Variants in CHCHD3 observed in about 807,000 individuals in gnomAD.
CHCHD3 encodes the protein coiled-coil-helix-coiled-coil-helix domain containing 3, also known as MICOS complex subunit MIC19.
CHCHD3 carries 20 observed loss-of-function variants against 38.2 expected under a neutral mutation model. The observed-to-expected ratio is 0.52, with a 90% CI of 0.37 to 0.76. CHCHD3 has a LOEUF of 0.76. CHCHD3 is among the 30% of genes least tolerant of loss of function. The pLI is 0.00. For missense variants in CHCHD3, 245 were observed against 279.2 expected, an observed-to-expected ratio of 0.88 and a Z score of 0.87; for synonymous variants, 82 against 100.0, an observed-to-expected ratio of 0.82 and a Z score of 1.07.
chr7:132,912,598 A>G (rs956196565), intron 4 of CHCHD3, among the ~76,000 whole-genome samples: 1 of 152,084 alleles, frequency 6.6e-6, no homozygotes, highest in African/African-American at 2.4e-5. Flanking sequence ...TCTGTTACCC[A>G]GGCTGGAGTG....
At chr7:132,967,670 A>T (rs1171665952) in intron 4 of CHCHD3, among the ~76,000 whole-genome samples, 1 of 149,578 alleles carries the variant, frequency 6.7e-6, no homozygotes, top group African/African-American at 2.5e-5. Flanking sequence ...AATAAATAAA[A>T]TAAAACAAAA....
At chr7:132,973,950 G>A in intron 4 of CHCHD3, 1 of 1,285,264 alleles carries the variant, frequency 7.8e-7, no homozygotes, top group Non-Finnish European at 1.0e-6. Context: ...AGTAACATCT[G>A]GGTTTCTAGG....
chr7:133,068,484 G>A (rs1185974317), intron 2 of CHCHD3, among the ~76,000 whole-genome samples: 1 of 152,190 alleles, frequency 6.6e-6, no homozygotes, highest in African/African-American at 2.4e-5. Flanking sequence ...GAAGCCCAGG[G>A]AAGCAGCTCA....
chr7:132,930,841 C>G (rs935088233), intron 4 of CHCHD3, among the ~76,000 whole-genome samples: 2 of 152,120 alleles, frequency 1.3e-5, no homozygotes, highest in African/African-American at 4.8e-5. Flanking sequence ...ATCCCTATGC[C>G]CCTTGCAGCT....
chr7:132,901,655 T>A (rs1388425265), intron 4 of CHCHD3, among the ~76,000 whole-genome samples: 6 of 152,208 alleles, frequency 3.9e-5, no homozygotes, highest in Non-Finnish European at 8.8e-5. Flanking sequence ...TACTTGTTGA[T>A]GGGGTTGATT....
In CHCHD3 at chr7:132,788,091, T is replaced by C. The variant is rs1806370956; in HGVS notation, c.661-2431A>G. ...TCACAGCATCTCAGCTATGCTCACC[T>C]GCTTATGAATTGATCTGTGTGAGCC... is the stretch of plus-strand genomic sequence containing the variant. On this transcript the variant is annotated intron_variant, in intron 7 of 7. Coordinates refer to ENST00000262570, the MANE Select transcript of CHCHD3 (RefSeq NM_017812.4). The surrounding 1 kb of genome is among the most constrained non-coding windows in gnomAD (Gnocchi z 4.0). Among the ~76,000 whole-genome samples the C allele has an allele frequency of 6.6e-6, 1 of 152,288 alleles. No individual in the cohort carries two copies. The highest frequency in any genetic ancestry group is 1.9e-4 in the East Asian group (1 of 5,184).
At chr7:132,899,656 T>C (rs1809615483) in intron 4 of CHCHD3, among the ~76,000 whole-genome samples, 1 of 152,186 alleles carries the variant, frequency 6.6e-6, no homozygotes, top group African/African-American at 2.4e-5. Context: ...TATGGAATAC[T>C]ATTTGATCCA....
At chr7:132,833,936 A>G (rs1030132071) in intron 6 of CHCHD3, among the ~76,000 whole-genome samples, 1 of 152,162 alleles carries the variant, frequency 6.6e-6, no homozygotes, top group Admixed American at 6.5e-5. Flanking sequence ...TGTAACCAAG[A>G]TGCACATAAA....
intron 4 of CHCHD3, among the ~76,000 whole-genome samples, chr7:132,905,343 C>G (rs534891937): frequency 3.3e-5 from 5 of 151,996 alleles, no homozygotes; most frequent in Non-Finnish European, 5.9e-5. Context: ...CAAACTAACA[C>G]AGAAACAGAA....
At chr7:133,076,814 A>G (rs1200948380) in intron 1 of CHCHD3, among the ~76,000 whole-genome samples, 1 of 152,222 alleles carries the variant, frequency 6.6e-6, no homozygotes, top group African/African-American at 2.4e-5. Flanking sequence ...TCTAAGAGGT[A>G]AAGTTATGAG....
chr7:132,887,273 T>C (rs574184643), intron 4 of CHCHD3, among the ~76,000 whole-genome samples: 1 of 151,966 alleles, frequency 6.6e-6, no homozygotes, highest in African/African-American at 2.4e-5. Flanking sequence ...TACATTCATA[T>C]ACAAGTATAT....
chr7:132,929,743 C>CTAT (rs1482717207), intron 4 of CHCHD3, among the ~76,000 whole-genome samples: 2 of 152,160 alleles, frequency 1.3e-5, no homozygotes, highest in African/African-American at 4.8e-5. Context: ...ATGACCAGGG[C>CTAT]TATGGTGGGC....
At chr7:133,080,103 C>T (rs187337534) in intron 1 of CHCHD3, among the ~76,000 whole-genome samples, 5 of 152,162 alleles carry the variant, frequency 3.3e-5, no homozygotes, top group East Asian at 1.9e-4. Context: ...TGGAGACCAG[C>T]GCAAGGGCAT....
intron 5 of CHCHD3, among the ~76,000 whole-genome samples, chr7:132,863,597 C>T (rs1369674628): frequency 1.3e-5 from 2 of 152,190 alleles, no homozygotes; most frequent in Non-Finnish European, 2.9e-5. Context: ...GGCTTTGAAG[C>T]CAGGCCCTGA....
chr7:132,976,302 G>A (rs1009427813), intron 3 of CHCHD3, among the ~76,000 whole-genome samples: 3 of 152,070 alleles, frequency 2.0e-5, no homozygotes, highest in Admixed American at 6.5e-5. Flanking sequence ...ACTAAGACAG[G>A]AGAATCTTAC....
intron 6 of CHCHD3, among the ~76,000 whole-genome samples, chr7:132,801,371 T>A (rs1585525780): frequency 6.6e-6 from 1 of 152,202 alleles, no homozygotes; most frequent in African/African-American, 2.4e-5. Context: ...TTAATGACAT[T>A]TCCATTTGAG....
In CHCHD3 at chr7:132,997,741, C is replaced by T. The variant is rs55793056; in HGVS notation, c.252-22455G>A. Among the ~76,000 whole-genome samples, 1,267 of 148,204 alleles carry T rather than the reference C, an allele frequency of 8.5e-3. 21 individuals are homozygous for T. The highest frequency in any genetic ancestry group is 0.03 in the African/African-American group (1,209 of 40,230). On this transcript the variant is annotated intron_variant, in intron 3 of 7. Transcript: ENST00000262570. ...AATCCAGAACAAATTTTGTCAGAGA[C>T]CAATGCTTGAACTCATCACTCTCTT...
chr7:133,053,481 T>C (rs1814227375), intron 2 of CHCHD3, among the ~76,000 whole-genome samples: 1 of 152,242 alleles, frequency 6.6e-6, no homozygotes, highest in Non-Finnish European at 1.5e-5. Context: ...AACACTCTGC[T>C]AGTCACGGGA....
chr7:132,985,703 G>A lies in CHCHD3; in HGVS notation c.252-10417C>T, dbSNP rs1318653805. ...TGGGGGGGGGGTCAGCCCCCCGCCC[G>A]GCCAGCCGCCCCATCCGGGAGGGAG... is the stretch of plus-strand genomic sequence containing the variant. On this transcript the variant is annotated intron_variant, in intron 3 of 7. Transcript: ENST00000262570. Among the ~76,000 whole-genome samples, 7 of 83,646 alleles carry A rather than the reference G, an allele frequency of 8.4e-5. 2 individuals are homozygous for A. Among genetic ancestry groups the A allele is most frequent in the African/African-American group, 1.8e-4 (4 of 21,946 alleles). The allele number at this position is 83,646 out of a possible 152,430, so 54.9% of individuals were successfully genotyped here. A position where few individuals can be genotyped will look rare whatever the true frequency, so the allele number is the denominator to read the frequency against.
Sources: allele counts gnomAD v4.1 joint callset (sites outside exome capture counted in the v4.1 genomes callset), GRCh38; gene constraint gnomAD v4.1.1; non-coding constraint Gnocchi (gnomAD v3.1); transcripts MANE v1.5; gene names NCBI Gene and HGNC (gene_info 2026-07-23, HGNC 2026-07-21).